PAH: variants seen among roughly 807,000 people sequenced by gnomAD.
PAH encodes phenylalanine hydroxylase, also known as phenylalanine-4-hydroxylase.
Under a neutral mutation model 62.0 loss-of-function variants are expected in PAH, and 64 were observed. That is an observed-to-expected ratio of 1.03 (90% CI 0.84 to 1.27). PAH has a LOEUF of 1.27. Ranked by LOEUF, PAH falls within the 50% of genes most tolerant of loss-of-function variation. The pLI is 0.00. For synonymous variants in PAH, 195 were observed against 196.2 expected, an observed-to-expected ratio of 0.99 and a Z score of 0.05; for missense variants, 579 against 542.8, an observed-to-expected ratio of 1.07 and a Z score of -0.66.
rs1248679851 is a variant in PAH at position 102,868,057 on chromosome 12, TATAC to T, written c.442-1398_442-1395del. The stretch of plus-strand genomic sequence containing the variant: ...ATATACACCTATATATATGTATATA[TATAC>T]ACATATATATACATATATGTGTGTG... On this transcript the variant is annotated intron_variant, in intron 4 of 12. Coordinates refer to ENST00000553106, the MANE Select transcript of PAH (RefSeq NM_000277.3). Among the ~76,000 whole-genome samples the T allele has an allele frequency of 4.2e-4, 54 of 128,144 alleles. 3 individuals are homozygous for T. The highest frequency in any genetic ancestry group is 1.4e-3 in the African/African-American group (45 of 31,560). 84.1% of individuals were successfully genotyped at this position (128,144 alleles called of 152,430 possible).
At chr12:102,849,509 C>T (rs1437862130) in intron 8 of PAH, among the ~76,000 whole-genome samples, 1 of 152,122 alleles carries the variant, frequency 6.6e-6, no homozygotes, top group Non-Finnish European at 1.5e-5. Context: ...CAGAGGAGTG[C>T]TTGTAGACAG....
chr12:102,846,869 TC>T, intron 9 of PAH, 25 bp downstream of exon 9: 1 of 1,602,708 alleles, frequency 6.2e-7, no homozygotes, highest in Non-Finnish European at 8.5e-7. Context: ...CACTCCACCA[TC>T]CACCCAGGGA....
At chr12:102,907,870 G>A (rs1169290213) in intron 2 of PAH, among the ~76,000 whole-genome samples, 1 of 152,054 alleles carries the variant, frequency 6.6e-6, no homozygotes, top group African/African-American at 2.4e-5. Context: ...TGCCCGCCTT[G>A]GCCTTCCAAA....
rs1043914142 is a variant in PAH at position 102,837,615 on chromosome 12, T to C, written c.*1560A>G. ...CCCAGCTGGCATATATAAGCAGGTA[T>C]TGTAACACCCCATCAGTGGATCAGG... is the stretch of plus-strand genomic sequence containing the variant. On this transcript the variant is annotated 3_prime_UTR_variant, in exon 13 of 13. Coordinates refer to ENST00000553106, the MANE Select transcript of PAH (RefSeq NM_000277.3). 7 of 152,214 alleles carry C rather than the reference T, an allele frequency of 4.6e-5. No homozygotes were observed. Among genetic ancestry groups the C allele is most frequent in the Non-Finnish European group, 1.0e-4 (7 of 68,036 alleles). 9.4% of individuals were successfully genotyped at this position (152,214 alleles called of 1,614,324 possible).
Position 102,851,681 on chromosome 12 carries a change from C to T in PAH, c.912+6G>A, listed in dbSNP as rs1398275215. 1.2e-6 allele frequency: 2 copies of T among 1,613,240 alleles called. No individual in the cohort carries two copies. The highest frequency in any genetic ancestry group is 2.2e-5 in the South Asian group (2 of 91,056). ...TAACTAGAAGGCTAAAAAATCCATT[C>T]CTTACCTGGGAAAACTGGGCAAAGC... is the stretch of plus-strand genomic sequence containing the variant. On this transcript the variant is annotated splice_donor_region_variant and intron_variant, in intron 8 of 12. Coordinates refer to ENST00000553106, the MANE Select transcript of PAH (RefSeq NM_000277.3).
chr12:102,919,686 G>A (rs117250762), upstream of PAH, among the ~76,000 whole-genome samples: 3,870 of 152,178 alleles, frequency 0.025, 72 homozygotes, highest in African/African-American at 0.041. Flanking sequence ...ACATATGAGT[G>A]AGAATATGTG....
At chr12:102,849,291 G>A (rs1484681019) in intron 8 of PAH, among the ~76,000 whole-genome samples, 2 of 152,196 alleles carry the variant, frequency 1.3e-5, no homozygotes, top group Non-Finnish European at 2.9e-5. Context: ...AGAAAAAGCT[G>A]TGCTGGAGAA....
chr12:102,931,349 T>C (rs979686531), intron 1 of PAH, among the ~76,000 whole-genome samples: 1 of 151,970 alleles, frequency 6.6e-6, no homozygotes, highest in African/African-American at 2.4e-5. Context: ...GAGAGGGAAA[T>C]AGCAGTGGGG....
In PAH at chr12:102,885,864, A is replaced by C. The variant is rs530582601; in HGVS notation, c.353-8314T>G. 3.7e-4 allele frequency among the ~76,000 whole-genome samples: 56 copies of C among 152,282 alleles called. 1 individual carries two copies. In the South Asian group the frequency reaches 0.011, roughly 31 times the overall value. ...GCCTCCAGCCTGTCTCAGAGAGAGC[A>C]ATAAATCCTGGTTTCTTGGGTCTGA... On this transcript the variant is annotated intron_variant, in intron 3 of 12. Coordinates refer to ENST00000553106, the MANE Select transcript of PAH (RefSeq NM_000277.3).
intron 2 of PAH, among the ~76,000 whole-genome samples, chr12:102,908,061 A>G (rs543566421): frequency 6.6e-5 from 10 of 152,276 alleles, no homozygotes; most frequent in South Asian, 2.1e-4. Flanking sequence ...CCCTTCTTCA[A>G]TCACCCAATA....
At chr12:102,889,549 C>T (rs11830600) in intron 3 of PAH, among the ~76,000 whole-genome samples, 43,687 of 143,168 alleles carry the variant, frequency 0.31, 8,657 homozygotes, top group African/African-American at 0.55. Flanking sequence ...GATAGATAGA[C>T]AGATAGATAG....
intron 1 of PAH, among the ~76,000 whole-genome samples, chr12:102,915,410 G>C (rs1592990136): frequency 6.6e-6 from 1 of 152,212 alleles, no homozygotes; most frequent in East Asian, 1.9e-4. Context: ...CACATAGGTA[G>C]TGGAGGCTGG....
intron 1 of PAH, among the ~76,000 whole-genome samples, chr12:102,932,472 G>A (rs1878919205): frequency 6.6e-6 from 1 of 152,184 alleles, no homozygotes; most frequent in Non-Finnish European, 1.5e-5. Context: ...GATCGCTGGT[G>A]ATCCTAGAGA....
In PAH at chr12:102,948,502, T is replaced by G. The variant is rs143052222; in HGVS notation, c.-96+2087A>C. ...GCTCCGGGGCTGGGTAGGTTGTTCC[T>G]GTGGATCTTTTCTTCCCGCTGCAAG... On this transcript the variant is annotated intron_variant, in intron 1 of 3. Coordinates refer to the PAH transcript ENST00000546844. Among the ~76,000 whole-genome samples, 689 of 152,316 alleles carry G rather than the reference T, an allele frequency of 4.5e-3. 3 individuals are homozygous for G. Among genetic ancestry groups the G allele is most frequent in the Non-Finnish European group, 7.3e-3 (499 of 68,020 alleles).
chr12:102,894,736 T>A lies in PAH; in HGVS notation c.351A>T (p.Thr117=). The A allele has an allele frequency of 6.2e-7, 1 of 1,613,594 alleles. No homozygotes were observed. Among genetic ancestry groups the A allele is most frequent in the African/African-American group, 1.3e-5 (1 of 75,054 alleles). Residue 117 remains threonine, a splice_region_variant and synonymous_variant, in exon 3 of 13, where the codon ACA becomes ACT. Coordinates refer to ENST00000553106, the MANE Select transcript of PAH (RefSeq NM_000277.3). ...TTGCAAAATTCCTCTAATTCTTACC[T>A]GTGTCTTTCTTCTTATCTCGTGAAA... ...HELSRDKKKD[T]VPWFPRTIQE... is the part of the protein sequence containing the mutation.
intron 11 of PAH, among the ~76,000 whole-genome samples, chr12:102,842,241 A>G (rs971880696): frequency 1.3e-5 from 2 of 152,108 alleles, no homozygotes; most frequent in Non-Finnish European, 2.9e-5. Flanking sequence ...CCTGGGTCCA[A>G]ACCTTGGGCC....
At chr12:102,904,696 A>G (rs765659756) in intron 2 of PAH, 1 of 472,722 alleles carries the variant, frequency 2.1e-6, no homozygotes, top group East Asian at 5.6e-5. Context: ...TTCATTTTAT[A>G]GGGTCCAGAA....
intron 1 of PAH, among the ~76,000 whole-genome samples, chr12:102,939,241 A>T (rs759754884): frequency 1.3e-5 from 2 of 152,136 alleles, no homozygotes; most frequent in Non-Finnish European, 2.9e-5. Flanking sequence ...CCTCTCTGCC[A>T]TTGCCACTGC....
In PAH at chr12:102,905,651, A is replaced by C. The variant is rs553813300; in HGVS notation, c.168+7140T>G. The stretch of plus-strand genomic sequence containing the variant: ...TCTGAGGTTTAGTTTCCTCCTCTCT[A>C]AGATCAGTATGGCATCGCTGACTCC... On this transcript the variant is annotated intron_variant, in intron 2 of 12. Coordinates refer to ENST00000553106, the MANE Select transcript of PAH (RefSeq NM_000277.3). 3.3e-5 allele frequency among the ~76,000 whole-genome samples: 5 copies of C among 152,204 alleles called. No homozygotes were observed. In the South Asian group the frequency reaches 6.3e-4, roughly 19 times the overall value.
Sources: gnomAD v4.1 joint callset for allele counts (sites outside exome capture counted in the v4.1 genomes callset) on GRCh38, gnomAD v4.1.1 for gene constraint, MANE v1.5 for transcripts, NCBI Gene and HGNC (gene_info 2026-07-23, HGNC 2026-07-21) for gene names.